Variants in ZNF346 observed in about 807,000 individuals in gnomAD.
ZNF346 encodes double-stranded RNA-binding zinc finger protein JAZ.
A neutral mutation model predicts 33.7 loss-of-function variants in ZNF346; 23 were observed. That is an observed-to-expected ratio of 0.68 (90% CI 0.49 to 0.97). ZNF346 has a LOEUF of 0.97. Among genes scored for constraint, ZNF346 ranks in the 50% least tolerant of loss-of-function variants. The probability of loss-of-function intolerance (pLI) is 0.00; values close to 1 mark genes in which losing one functional copy is unlikely to be tolerated. For missense variants in ZNF346, 340 were observed against 371.1 expected, an observed-to-expected ratio of 0.92 and a Z score of 0.69; for synonymous variants, 134 against 142.4, an observed-to-expected ratio of 0.94 and a Z score of 0.42.
chr5:177,059,851 C>T (rs1362731560), intron 5 of ZNF346, among the ~76,000 whole-genome samples: 1 of 152,166 alleles, frequency 6.6e-6, no homozygotes, highest in Non-Finnish European at 1.5e-5. Flanking sequence ...TCTTATGGAG[C>T]TTACAGTCTA....
chr5:177,031,926 C>G (rs1284001608), intron 1 of ZNF346, among the ~76,000 whole-genome samples: 1 of 151,124 alleles, frequency 6.6e-6, no homozygotes, highest in East Asian at 1.9e-4. Flanking sequence ...TCCAGAATTT[C>G]CATTTGTTTG....
chr5:177,024,853 A>G (rs961081868), intron 1 of ZNF346, among the ~76,000 whole-genome samples: 4 of 152,178 alleles, frequency 2.6e-5, no homozygotes, highest in Admixed American at 2.6e-4. Context: ...CACTGTTATG[A>G]CCCATTTCAT....
chr5:177,038,268 TGTG>T (rs369016249), intron 1 of ZNF346, among the ~76,000 whole-genome samples: 25 of 140,026 alleles, frequency 1.8e-4, no homozygotes, highest in East Asian at 4.3e-4. Context: ...TTTTTTTTTT[TGTG>T]TGTGTGTGTT....
At chr5:177,025,518 A>G (rs1731553563) in intron 1 of ZNF346, among the ~76,000 whole-genome samples, 1 of 152,162 alleles carries the variant, frequency 6.6e-6, no homozygotes, top group Admixed American at 6.6e-5. Flanking sequence ...TTCTGCCATC[A>G]GTGTATGAGG....
At chr5:177,038,877 TGTG>T (rs1397690809) in intron 1 of ZNF346, among the ~76,000 whole-genome samples, 22 of 7,202 alleles carry the variant, frequency 3.1e-3, no homozygotes, top group Admixed American at 0.013. Context: ...TTCTTCTTCT[TGTG>T]TGTGTGTGTG....
At chr5:177,031,679 T>G (rs961419595) in intron 1 of ZNF346, among the ~76,000 whole-genome samples, 2 of 152,166 alleles carry the variant, frequency 1.3e-5, no homozygotes, top group Non-Finnish European at 2.9e-5. Context: ...TCTTCAAATA[T>G]TTTTTTCTAC....
At chr5:177,057,308 C>T (rs1172325221) in intron 5 of ZNF346, among the ~76,000 whole-genome samples, 1 of 130,208 alleles carries the variant, frequency 7.7e-6, no homozygotes, top group Non-Finnish European at 1.6e-5. Context: ...AAAAAAAGAC[C>T]TGTGTCTCTT....
At chr5:177,070,198 G>A (rs909436717), downstream of ZNF346, among the ~76,000 whole-genome samples, 6 of 152,138 alleles carry the variant, frequency 3.9e-5, no homozygotes, top group African/African-American at 9.7e-5. Flanking sequence ...GCAGCTCCAC[G>A]TCTTGGTTAG....
chr5:177,023,313 G>A (rs1776161709), intron 1 of ZNF346: 1 of 1,030,016 alleles, frequency 9.7e-7, no homozygotes, highest in South Asian at 1.4e-5. Context: ...AGGGCCTCTC[G>A]CCTCCCTTCT....
In ZNF346 at chr5:177,041,248, A is replaced by C. The variant is rs1470301681; in HGVS notation, c.279+19A>C. ...TTACCAGGTATGCCATCATACTTTTAGAACTGCGTTTCTTTTCAGACCTGG... is the reference window on the plus strand; with the variant it reads ...TTACCAGGTATGCCATCATACTTTTCGAACTGCGTTTCTTTTCAGACCTGG... On this transcript the variant is annotated intron_variant, in intron 2 of 6. Coordinates refer to ENST00000358149, the MANE Select transcript of ZNF346 (RefSeq NM_012279.4). The C allele has an allele frequency of 1.9e-6, 3 of 1,597,272 alleles. No homozygotes were observed. The highest frequency in any genetic ancestry group is 3.3e-5 in the Admixed American group (2 of 59,974).
chr5:177,058,720 T>G (rs1209355371), intron 5 of ZNF346, among the ~76,000 whole-genome samples: 1 of 152,160 alleles, frequency 6.6e-6, no homozygotes, highest in Non-Finnish European at 1.5e-5. Flanking sequence ...CTCCAAACCT[T>G]ACACTCCTTC....
chr5:177,058,706 G>C (rs1303916249), intron 5 of ZNF346, among the ~76,000 whole-genome samples: 1 of 152,120 alleles, frequency 6.6e-6, no homozygotes, highest in African/African-American at 2.4e-5. Flanking sequence ...TTAGCTCTGT[G>C]TGGCTCCAAA....
intron 1 of ZNF346, among the ~76,000 whole-genome samples, 188 bp from the exon 2 acceptor site, chr5:177,040,938 A>T (rs1221620108): frequency 6.6e-6 from 1 of 152,216 alleles, no homozygotes; most frequent in African/African-American, 2.4e-5. Flanking sequence ...TTATAAAATA[A>T]GTAATAGTGT....
rs918939905 is a variant in ZNF346 at position 177,058,180 on chromosome 5, C to CA, written c.704-3867dup. On this transcript the variant is annotated intron_variant, in intron 5 of 6. Coordinates refer to ENST00000358149, the MANE Select transcript of ZNF346 (RefSeq NM_012279.4). ...AAGAATATCGATACTTTTTTTATTT[C>CA]AAAAAAAAAAATAGCTGGGCGCGGT... Among the ~76,000 whole-genome samples the CA allele has an allele frequency of 3.4e-3, 478 of 141,312 alleles. 2 individuals are homozygous for CA. Among genetic ancestry groups the CA allele is most frequent in the African/African-American group, 4.6e-3 (178 of 38,910 alleles). The allele number at this position is 141,312 out of a possible 152,430, so 92.7% of individuals were successfully genotyped here.
intron 1 of ZNF346, among the ~76,000 whole-genome samples, chr5:177,036,646 A>G (rs1456297314): frequency 3.3e-5 from 5 of 152,104 alleles, no homozygotes; most frequent in Admixed American, 6.5e-5. Context: ...TGCCCCAACC[A>G]TGAGCACACC....
At chr5:177,044,555 G>T in intron 4 of ZNF346, 22 bp downstream of exon 4, 1 of 1,612,444 alleles carries the variant, frequency 6.2e-7, no homozygotes, top group Non-Finnish European at 8.5e-7. Flanking sequence ...CCTGAGTAGT[G>T]CTATAGTGGG....
rs1782283557 is a variant in ZNF346, at chr5:177,060,097, G to A, written c.704-1961G>A. On this transcript the variant is annotated intron_variant, in intron 5 of 6. Coordinates refer to ENST00000358149, the MANE Select transcript of ZNF346 (RefSeq NM_012279.4). ...TTAGGGCAGCGGGCCTTCACCCTGA[G>A]AGCACTGGGACTGGGAAGCCGCTGC... is the stretch of plus-strand genomic sequence containing the variant. Among the ~76,000 whole-genome samples the A allele has an allele frequency of 3.3e-5, 5 of 152,338 alleles. No homozygotes were observed. The South Asian group carries it at 1.0e-3, about 32-fold the overall frequency.
intron 1 of ZNF346, among the ~76,000 whole-genome samples, chr5:177,039,468 A>G (rs2149623695): frequency 6.7e-6 from 1 of 148,826 alleles, no homozygotes; most frequent in South Asian, 2.1e-4. Flanking sequence ...TTTTTTTTTT[A>G]AGACAGGGGC....
chr5:177,045,352 C>G (rs1165382041), intron 4 of ZNF346, among the ~76,000 whole-genome samples: 1 of 151,910 alleles, frequency 6.6e-6, no homozygotes, highest in Non-Finnish European at 1.5e-5. Context: ...GGTGAAAAAT[C>G]ACTCATAATT....
Sources: allele counts gnomAD v4.1 joint callset (sites outside exome capture counted in the v4.1 genomes callset), GRCh38; gene constraint gnomAD v4.1.1; transcripts MANE v1.5; gene names NCBI Gene and HGNC (gene_info 2026-07-23, HGNC 2026-07-21).